Variants in SARDH observed in about 807,000 individuals in gnomAD.
SARDH encodes the protein sarcosine dehydrogenase, mitochondrial.
A neutral mutation model predicts 109.1 loss-of-function variants in SARDH; 95 were observed. The observed-to-expected ratio is 0.87, with a 90% CI of 0.74 to 1.03. SARDH has a LOEUF of 1.03. Ranked by LOEUF, SARDH falls within the 50% of genes least tolerant of loss-of-function variation. The probability of loss-of-function intolerance (pLI) is 0.00; values close to 1 mark genes in which losing one functional copy is unlikely to be tolerated. For synonymous variants in SARDH, 572 were observed against 534.8 expected, an observed-to-expected ratio of 1.07 and a Z score of -0.96; for missense variants, 1,267 against 1,287.8, an observed-to-expected ratio of 0.98 and a Z score of 0.25.
At position 133,709,105 on chromosome 9, in the gene SARDH, G is replaced by A. The variant is rs940185283; in HGVS notation, c.1329-677C>T. ...GCTGCCCAATCCAGCGCCTGGGACC[G>A]GAGATGATGTGGCTGCAATAGTTTT... On this transcript the variant is annotated intron_variant, in intron 10 of 20. Transcript: ENST00000439388. This position sits in a 1 kb window ranked among gnomAD's most constrained non-coding sequence, Gnocchi z 4.2. 1.3e-5 allele frequency among the ~76,000 whole-genome samples: 2 copies of A among 152,202 alleles called. No homozygotes were observed. Among genetic ancestry groups the A allele is most frequent in the South Asian group, 2.1e-4 (1 of 4,830 alleles).
chr9:133,738,891 C>T (rs1832971337), upstream of SARDH, among the ~76,000 whole-genome samples: 1 of 152,210 alleles, frequency 6.6e-6, no homozygotes, highest in Middle Eastern at 3.2e-3. Flanking sequence ...CCTGCTTTCC[C>T]GAGCTCCCAG....
intron 13 of SARDH, among the ~76,000 whole-genome samples, chr9:133,699,706 A>G (rs2131405898): frequency 6.6e-6 from 1 of 152,284 alleles, no homozygotes; most frequent in East Asian, 1.9e-4. Context: ...GTCTAGAATC[A>G]AAAAGTCAGA....
Position 133,692,893 on chromosome 9 carries a change from C to A in SARDH, c.1921+1365G>T, listed in dbSNP as rs946094341. Reference sequence around the variant, plus strand: ...GAAGGGGTGGGCGAGCTCTGCGCACCCCATAGGACCCCTCACTCACGCTCT... The same window carrying A: ...GAAGGGGTGGGCGAGCTCTGCGCACACCATAGGACCCCTCACTCACGCTCT... On this transcript the variant is annotated intron_variant, in intron 15 of 20. Transcript: ENST00000439388. This position sits in a 1 kb window ranked among gnomAD's most constrained non-coding sequence, Gnocchi z 5.0. Among the ~76,000 whole-genome samples, 1 of 152,136 alleles carries A rather than the reference C, an allele frequency of 6.6e-6. No homozygotes were observed. Among genetic ancestry groups the A allele is most frequent in the Non-Finnish European group, 1.5e-5 (1 of 68,004 alleles).
At chr9:133,664,135 C>T in intron 20 of SARDH, 121 bp from the exon 21 acceptor site, 1 of 1,342,540 alleles carries the variant, frequency 7.4e-7, no homozygotes, top group Admixed American at 2.4e-5. Context: ...AAACTCATCC[C>T]TGTGCCAGGG....
intron 2 of SARDH, among the ~76,000 whole-genome samples, chr9:133,733,462 G>A (rs1387896867): frequency 6.6e-6 from 1 of 152,190 alleles, no homozygotes; most frequent in South Asian, 2.1e-4. Flanking sequence ...TGCTCATGGA[G>A]GACACAGGTC....
At position 133,728,424 on chromosome 9, in the gene SARDH, A is replaced by G. The variant is rs1483411904; in HGVS notation, c.915+1341T>C. ...ACTGGCCCTGACCCTAAACAAGGGC[A>G]GTCTGTTCTCACACTGACCCTGCCC... On this transcript the variant is annotated intron_variant, in intron 6 of 20. Coordinates refer to ENST00000439388, the MANE Select transcript of SARDH (RefSeq NM_001134707.2). The surrounding 1 kb of genome is among the most constrained non-coding windows in gnomAD (Gnocchi z 5.0). Among the ~76,000 whole-genome samples the G allele has an allele frequency of 6.6e-6, 1 of 152,140 alleles. No homozygotes were observed. Among genetic ancestry groups the G allele is most frequent in the Non-Finnish European group, 1.5e-5 (1 of 67,994 alleles).
At chr9:133,696,662 C>G (rs1460064112) in intron 13 of SARDH, among the ~76,000 whole-genome samples, 2 of 152,124 alleles carry the variant, frequency 1.3e-5, no homozygotes, top group African/African-American at 4.8e-5. Context: ...AATTAGAAAT[C>G]AATAGCAGAA....
intron 17 of SARDH, among the ~76,000 whole-genome samples, chr9:133,681,318 T>C (rs2131359454): frequency 6.6e-6 from 1 of 152,284 alleles, no homozygotes; most frequent in South Asian, 2.1e-4. Context: ...GGGCCACACT[T>C]TTTTTCTAGC....
chr9:133,712,962 C>T lies in SARDH; in HGVS notation c.1237+76G>A, dbSNP rs754852094. On this transcript the variant is annotated intron_variant, in intron 9 of 20. Coordinates refer to ENST00000439388, the MANE Select transcript of SARDH (RefSeq NM_001134707.2). This position sits in a 1 kb window ranked among gnomAD's most constrained non-coding sequence, Gnocchi z 4.1. ...ACTGTCGGGGGCCACGGTGCTCCTGCGCCCGCCTCCCCCAGAGCTCTGGGA... is the reference window on the plus strand; with the variant it reads ...ACTGTCGGGGGCCACGGTGCTCCTGTGCCCGCCTCCCCCAGAGCTCTGGGA... 1.3e-5 allele frequency: 19 copies of T among 1,422,290 alleles called. No homozygotes were observed. Among genetic ancestry groups the T allele is most frequent in the East Asian group, 4.9e-5 (2 of 41,066 alleles). The allele number at this position is 1,422,290 out of a possible 1,614,324, so 88.1% of individuals were successfully genotyped here.
intron 17 of SARDH, among the ~76,000 whole-genome samples, chr9:133,680,394 C>A (rs1268671329): frequency 6.6e-6 from 1 of 152,190 alleles, no homozygotes; most frequent in Non-Finnish European, 1.5e-5. Context: ...GGGAGCTGGC[C>A]GTGGCCAGTG....
chr9:133,678,171 C>T (rs1830581476), intron 17 of SARDH, among the ~76,000 whole-genome samples: 1 of 152,202 alleles, frequency 6.6e-6, no homozygotes, highest in Admixed American at 6.5e-5. Context: ...CAGGAGGCCT[C>T]CCTCCCTGGG....
intron 6 of SARDH, among the ~76,000 whole-genome samples, chr9:133,726,261 G>A (rs1220363387): frequency 6.6e-6 from 1 of 150,560 alleles, no homozygotes. Flanking sequence ...CCAGCTACTC[G>A]GGAGGTGGAG....
In SARDH at chr9:133,704,903, C is replaced by G; in HGVS notation, c.1554+45G>C. On this transcript the variant is annotated intron_variant, in intron 12 of 20. Transcript: ENST00000439388. This position sits in a 1 kb window ranked among gnomAD's most constrained non-coding sequence, Gnocchi z 4.5. ...GCACGTGGAGGGGCAAGGGGGTTGT[C>G]AGGGCAGGGCCTCCCAGCAGCACAG... The G allele has an allele frequency of 6.6e-7, 1 of 1,519,224 alleles. No individual in the cohort carries two copies. Among genetic ancestry groups the G allele is most frequent in the Non-Finnish European group, 8.9e-7 (1 of 1,117,754 alleles). 94.1% of individuals were successfully genotyped at this position (1,519,224 alleles called of 1,614,324 possible). A position where few individuals can be genotyped will look rare whatever the true frequency, so the allele number is the denominator to read the frequency against.
chr9:133,685,075 C>T (rs1373638272), intron 17 of SARDH, 118 bp downstream of exon 17: 5 of 789,450 alleles, frequency 6.3e-6, no homozygotes, highest in East Asian at 5.4e-5. Flanking sequence ...AGTTGGGGAC[C>T]GAGGCCCAGG....
chr9:133,708,366 T>C lies in SARDH; in HGVS notation c.1391A>G (p.Tyr464Cys). Residue 464 changes from tyrosine to cysteine, a missense_variant, in exon 11 of 21, where the codon TAC becomes TGC. Physicochemically the swap from Tyr to Cys is radical, Grantham distance 194. Coordinates refer to ENST00000439388, the MANE Select transcript of SARDH (RefSeq NM_001134707.2). ...RWIRERSHESYAKNYSVVFPH... is the reference protein window; with the variant it reads ...RWIRERSHESCAKNYSVVFPH... ...GAAGACGACGGAGTAGTTCTTGGCG[T>C]AGGACTCATGGCTTCGCTCTCGGAT... 2 of 1,613,278 alleles carry C rather than the reference T, an allele frequency of 1.2e-6. No individual in the cohort carries two copies. The highest frequency in any genetic ancestry group is 8.5e-7 in the Non-Finnish European group (1 of 1,179,750).
chr9:133,731,127 G>A (rs1247851374), intron 4 of SARDH, among the ~76,000 whole-genome samples, 178 bp downstream of exon 4: 1 of 152,220 alleles, frequency 6.6e-6, no homozygotes, highest in Non-Finnish European at 1.5e-5. Flanking sequence ...TGAACAGAAC[G>A]AAGGCATAGC....
chr9:133,721,567 C>T (rs1390627592), intron 6 of SARDH, among the ~76,000 whole-genome samples: 1 of 152,204 alleles, frequency 6.6e-6, no homozygotes, highest in Non-Finnish European at 1.5e-5. Context: ...TTAGACCATG[C>T]AGCGGTCAGT....
At chr9:133,698,804 C>T (rs10993768) in intron 13 of SARDH, among the ~76,000 whole-genome samples, 42,221 of 152,100 alleles carry the variant, frequency 0.28, 6,986 homozygotes, top group East Asian at 0.43. Flanking sequence ...AGTGTAAAAG[C>T]GAAGATATAA....
At position 133,690,427 on chromosome 9, in the gene SARDH, G is replaced by C. The variant is rs771277002; in HGVS notation, c.2022C>G (p.Ile674Met). 1 of 1,613,274 alleles carries C rather than the reference G, an allele frequency of 6.2e-7. No homozygotes were observed. The highest frequency in any genetic ancestry group is 1.1e-5 in the South Asian group (1 of 91,078). Residue 674 changes from isoleucine to methionine, a missense_variant, in exon 16 of 21, where the codon ATC (isoleucine) becomes ATG (methionine). Transcript: ENST00000439388. Reference sequence around the variant, plus strand: ...TCATACCCAGGTCCTCGGAGCTGTCGATGAGCTGGCACTGGGACTTCTGGT... The same window carrying C: ...TCATACCCAGGTCCTCGGAGCTGTCCATGAGCTGGCACTGGGACTTCTGGT... ...LQDQKSQCQLIDSSEDLGMIS... is the reference protein window; with the variant it reads ...LQDQKSQCQLMDSSEDLGMIS...
Sources: allele counts gnomAD v4.1 joint callset (sites outside exome capture counted in the v4.1 genomes callset), GRCh38; gene constraint gnomAD v4.1.1; non-coding constraint Gnocchi (gnomAD v3.1); transcripts MANE v1.5; gene names NCBI Gene and HGNC (gene_info 2026-07-23, HGNC 2026-07-21).